RIMS1: variants seen among roughly 807,000 people sequenced by gnomAD.
RIMS1 encodes regulating synaptic membrane exocytosis protein 1.
Under a neutral mutation model 214.1 loss-of-function variants are expected in RIMS1, and 83 were observed. The ratio of observed to expected loss-of-function variants is 0.39; its 90% confidence interval spans 0.32 to 0.47. RIMS1 has a LOEUF of 0.47. RIMS1 is among the 20% of genes least tolerant of loss of function. The pLI is 0.99. For synonymous variants in RIMS1, 793 were observed against 786.8 expected, an observed-to-expected ratio of 1.01 and a Z score of -0.13; for missense variants, 2,050 against 2,161.8, an observed-to-expected ratio of 0.95 and a Z score of 1.03.
intron 31 of RIMS1, among the ~76,000 whole-genome samples, chr6:72,395,936 G>A (rs1224868842): frequency 2.6e-5 from 4 of 151,378 alleles, no homozygotes; most frequent in Non-Finnish European, 5.9e-5. Flanking sequence ...ACAATAAAAT[G>A]TAACAATAAA....
intron 6 of RIMS1, among the ~76,000 whole-genome samples, chr6:72,200,273 G>A (rs1015646751): frequency 1.3e-5 from 2 of 151,942 alleles, no homozygotes; most frequent in African/African-American, 4.8e-5. Flanking sequence ...TCCACTATAT[G>A]ACAGGCACTT....
chr6:71,887,322 T>A, intron 1 of RIMS1, 135 bp downstream of exon 1: 1 of 1,143,654 alleles, frequency 8.7e-7, no homozygotes, highest in Non-Finnish European at 1.3e-6. Context: ...GGCGCCCGCC[T>A]TGGGCCAGGG....
chr6:71,952,994 T>C (rs1211866802), intron 1 of RIMS1, among the ~76,000 whole-genome samples: 1 of 151,052 alleles, frequency 6.6e-6, no homozygotes, highest in Non-Finnish European at 1.5e-5. Flanking sequence ...TTTTTTTTCA[T>C]TTTATTTTTT....
At chr6:71,934,896 A>G (rs1784034948) in intron 1 of RIMS1, among the ~76,000 whole-genome samples, 1 of 152,216 alleles carries the variant, frequency 6.6e-6, no homozygotes, top group African/African-American at 2.4e-5. Context: ...TCTAGAATTA[A>G]TGTGTATTTG....
intron 28 of RIMS1, among the ~76,000 whole-genome samples, chr6:72,321,837 A>T (rs565201834): frequency 1.2e-4 from 18 of 151,930 alleles, no homozygotes; most frequent in Admixed American, 3.3e-4. Flanking sequence ...GGACAGTATC[A>T]CTCCCAATGG....
At chr6:72,283,593 C>A (rs1289961284) in intron 23 of RIMS1, among the ~76,000 whole-genome samples, 2 of 151,704 alleles carry the variant, frequency 1.3e-5, no homozygotes, top group Non-Finnish European at 2.9e-5. Context: ...GGGGACAAAT[C>A]AAAAAAAATC....
rs893974489 is a variant in RIMS1 at position 72,118,766 on chromosome 6, TC to T, written c.471+18782del. ...GATGTAGAAAAAGCATTTCACAAAA[TC>T]CAGCATTCCTTTACGATAAAAATCC... is the stretch of plus-strand genomic sequence containing the variant. On this transcript the variant is annotated intron_variant, in intron 4 of 33. Transcript: ENST00000521978. Among the ~76,000 whole-genome samples, 34 of 151,686 alleles carry T rather than the reference TC, an allele frequency of 2.2e-4. 2 individuals are homozygous for T. The highest frequency in any genetic ancestry group is 2.1e-3 in the Admixed American group (32 of 15,180).
intron 1 of RIMS1, among the ~76,000 whole-genome samples, chr6:71,915,454 A>G (rs559438397): frequency 1.3e-5 from 2 of 152,174 alleles, no homozygotes; most frequent in South Asian, 4.2e-4. Context: ...CTATTTTCTG[A>G]TTGTTCACAT....
intron 29 of RIMS1, among the ~76,000 whole-genome samples, chr6:72,361,877 C>G (rs934649834): frequency 9.2e-5 from 14 of 152,332 alleles, no homozygotes; most frequent in African/African-American, 2.9e-4. Context: ...TTAATTCCAT[C>G]TGCCAGCACA....
At chr6:72,075,390 G>A (rs1287165655) in intron 2 of RIMS1, among the ~76,000 whole-genome samples, 1 of 152,168 alleles carries the variant, frequency 6.6e-6, no homozygotes, top group African/African-American at 2.4e-5. Context: ...TCACAAGCAT[G>A]AGCCACTGTA....
intron 2 of RIMS1, among the ~76,000 whole-genome samples, chr6:72,075,720 A>G (rs1831660188): frequency 6.6e-6 from 1 of 152,216 alleles, no homozygotes; most frequent in Non-Finnish European, 1.5e-5. Context: ...TGGGTCTCTA[A>G]ATAACACAAA....
At chr6:72,373,537 G>A (rs914830860) in intron 29 of RIMS1, among the ~76,000 whole-genome samples, 10 of 152,226 alleles carry the variant, frequency 6.6e-5, no homozygotes, top group African/African-American at 2.4e-4. Flanking sequence ...ACAATGCCTT[G>A]AGAGTAATAA....
intron 2 of RIMS1, among the ~76,000 whole-genome samples, chr6:72,045,662 G>A (rs1441657465): frequency 6.6e-6 from 1 of 151,902 alleles, no homozygotes; most frequent in African/African-American, 2.4e-5. Flanking sequence ...AGATGCATAG[G>A]ACATCGTATG....
At chr6:72,108,634 T>C (rs2035291755) in intron 4 of RIMS1, among the ~76,000 whole-genome samples, 1 of 152,044 alleles carries the variant, frequency 6.6e-6, no homozygotes, top group African/African-American at 2.4e-5. Context: ...CCAATCTATA[T>C]TTGATTCTAT....
In RIMS1 at chr6:72,400,954, A is replaced by C. The variant is rs56361497; in HGVS notation, c.*240A>C. ...GCTGGTGAGAGTCACTGATGCTTCT[A>C]ACAAATAGAAAAAGAGGAAACTTTA... On this transcript the variant is annotated 3_prime_UTR_variant, in exon 34 of 34. Transcript: ENST00000521978. 1 of 482,562 alleles carries C rather than the reference A, an allele frequency of 2.1e-6. No individual in the cohort carries two copies. Among genetic ancestry groups the C allele is most frequent in the Non-Finnish European group, 3.7e-6 (1 of 268,490 alleles). 29.9% of individuals were successfully genotyped at this position (482,562 alleles called of 1,614,324 possible). A position where few individuals can be genotyped will look rare whatever the true frequency, so the allele number is the denominator to read the frequency against.
chr6:72,038,223 A>G (rs1820493145), intron 2 of RIMS1, among the ~76,000 whole-genome samples: 1 of 147,212 alleles, frequency 6.8e-6, no homozygotes, highest in Admixed American at 6.9e-5. Flanking sequence ...AAAAAAGGTT[A>G]AACAACAGAG....
chr6:71,961,752 T>A (rs78801797), intron 1 of RIMS1, among the ~76,000 whole-genome samples: 7 of 138,224 alleles, frequency 5.1e-5, no homozygotes, highest in South Asian at 2.3e-4. Flanking sequence ...TTGTTTTGTT[T>A]TGTTATGTTA....
intron 22 of RIMS1, among the ~76,000 whole-genome samples, chr6:72,271,140 C>A (rs1368827542): frequency 6.6e-6 from 1 of 151,370 alleles, no homozygotes; most frequent in Non-Finnish European, 1.5e-5. Context: ...GCGGTGTGCA[C>A]CTGTGGTCCC....
At chr6:72,065,713 G>T (rs1324057666) in intron 2 of RIMS1, among the ~76,000 whole-genome samples, 1 of 152,034 alleles carries the variant, frequency 6.6e-6, no homozygotes, top group African/African-American at 2.4e-5. Flanking sequence ...CCATTTTACA[G>T]GTGAAAGTTT....
Sources: gnomAD v4.1 joint callset for allele counts (sites outside exome capture counted in the v4.1 genomes callset) on GRCh38, gnomAD v4.1.1 for gene constraint, MANE v1.5 for transcripts, NCBI Gene and HGNC (gene_info 2026-07-23, HGNC 2026-07-21) for gene names.